SETX: variants seen among roughly 807,000 people sequenced by gnomAD.
SETX encodes senataxin, also known as helicase senataxin.
Under a neutral mutation model 227.2 loss-of-function variants are expected in SETX, and 90 were observed. That is an observed-to-expected ratio of 0.40 (90% CI 0.33 to 0.47). SETX has a LOEUF of 0.47. Ranked by LOEUF, SETX falls within the 20% of genes least tolerant of loss-of-function variation. The pLI is 0.91. For synonymous variants in SETX, 1,210 were observed against 1,113.2 expected (o/e 1.09, Z -1.73); for missense variants, 3,052 against 3,181.5 (o/e 0.96, Z 0.98).
intron 11 of SETX, among the ~76,000 whole-genome samples, chr9:132,308,073 G>A (rs1485291916): frequency 6.6e-6 from 1 of 152,156 alleles, no homozygotes. Context: ...TAACCAAATA[G>A]TAGTAGAGAA....
At position 132,331,409 on chromosome 9, in the gene SETX, A is replaced by T; in HGVS notation, c.878T>A (p.Phe293Tyr). The part of the protein sequence containing the change: ...VDPFWPALHC[F>Y]MVILDRLGSK... ...TCCAAGGCGATCCAGAATCACCATAAAACAGTGTAACGCTGGCCAGAAAGG... is the reference window on the plus strand; with the variant it reads ...TCCAAGGCGATCCAGAATCACCATATAACAGTGTAACGCTGGCCAGAAAGG... The change falls in exon 8 of 26, where the codon TTT (phenylalanine) becomes TAT (tyrosine). Residue 293 changes from phenylalanine (F) to tyrosine (Y), a missense_variant. Transcript: ENST00000224140. 1.2e-6 allele frequency: 2 copies of T among 1,613,986 alleles called. No homozygotes were observed. Among genetic ancestry groups the T allele is most frequent in the South Asian group, 1.1e-5 (1 of 91,074 alleles).
At chr9:132,314,535 T>C (rs2131368111) in intron 10 of SETX, among the ~76,000 whole-genome samples, 1 of 152,270 alleles carries the variant, frequency 6.6e-6, no homozygotes, top group East Asian at 1.9e-4. Flanking sequence ...GCTTTCCAAG[T>C]ATTAAAGGTC....
intron 24 of SETX, 85 bp from the exon 25 acceptor site, chr9:132,269,787 A>T: frequency 7.5e-7 from 1 of 1,333,994 alleles, no homozygotes; most frequent in East Asian, 2.3e-5. Flanking sequence ...AGAATGACTC[A>T]ACGTGCCCGT....
At chr9:132,280,007 C>G (rs747159761) in intron 20 of SETX, among the ~76,000 whole-genome samples, 9 of 152,190 alleles carry the variant, frequency 5.9e-5, no homozygotes, top group Non-Finnish European at 1.0e-4. Context: ...CCCTAGAATA[C>G]AAACACCATA....
intron 10 of SETX, among the ~76,000 whole-genome samples, chr9:132,318,813 A>G (rs1846156112): frequency 6.6e-6 from 1 of 152,272 alleles, no homozygotes; most frequent in Non-Finnish European, 1.5e-5. Flanking sequence ...GTAGTACTCT[A>G]GCCCAGGGTA....
chr9:132,325,622 C>T (rs1846690199), intron 10 of SETX, among the ~76,000 whole-genome samples: 1 of 152,086 alleles, frequency 6.6e-6, no homozygotes, highest in Non-Finnish European at 1.5e-5. Flanking sequence ...TTGTGTCTAT[C>T]AGCTCCAAGG....
intron 15 of SETX, 35 bp downstream of exon 15, chr9:132,295,837 C>G (rs1844635826): frequency 6.3e-7 from 1 of 1,597,990 alleles, no homozygotes; most frequent in Non-Finnish European, 8.5e-7. Context: ...ACACTGAAAA[C>G]AAAAACAAAT....
upstream of SETX, among the ~76,000 whole-genome samples, chr9:132,355,677 C>CA (rs1044092334): frequency 6.6e-5 from 10 of 150,826 alleles, no homozygotes; most frequent in Admixed American, 2.0e-4. Context: ...CCCGTATGTA[C>CA]AAAAAAAAAT....
chr9:132,345,809 G>A (rs932362241), intron 4 of SETX, among the ~76,000 whole-genome samples: 5 of 152,216 alleles, frequency 3.3e-5, no homozygotes, highest in South Asian at 4.1e-4. Flanking sequence ...TTGAGCCCAG[G>A]AGTTCAACAC....
chr9:132,300,503 T>C (rs1417553011), intron 12 of SETX, 127 bp downstream of exon 12: 10 of 1,006,714 alleles, frequency 9.9e-6, no homozygotes, highest in African/African-American at 1.6e-5. Context: ...AATGGCCATG[T>C]AATCAACATA....
rs966244406 is a variant in SETX, at chr9:132,271,646, T to C, written c.7199+64A>G. On this transcript the variant is annotated intron_variant, in intron 24 of 25. Coordinates refer to ENST00000224140, the MANE Select transcript of SETX (RefSeq NM_015046.7). ...TCTCTAACAGTGATAATGAACCTAATCCTGAACTATAAACAAGCAACAATG... is the reference window on the plus strand; with the variant it reads ...TCTCTAACAGTGATAATGAACCTAACCCTGAACTATAAACAAGCAACAATG... 2.3e-6 allele frequency: 3 copies of C among 1,333,142 alleles called. No homozygotes were observed. In the African/African-American group the frequency reaches 4.3e-5, roughly 19 times the overall value. 82.6% of individuals were successfully genotyped at this position (1,333,142 alleles called of 1,614,324 possible).
In SETX at chr9:132,296,053, C is replaced by G. The variant is rs530259613; in HGVS notation, c.5950-25G>C. The G allele has an allele frequency of 1.9e-6, 3 of 1,613,964 alleles. No individual in the cohort carries two copies. The African/African-American group carries it at 4.0e-5, about 22-fold the overall frequency. ...TCTACAATTTGCCACATATACATACCAAACAAACACACAAAAAATATGGGT... is the reference window on the plus strand; with the variant it reads ...TCTACAATTTGCCACATATACATACGAAACAAACACACAAAAAATATGGGT... On this transcript the variant is annotated intron_variant, in intron 14 of 25. Transcript: ENST00000224140.
Position 132,336,501 on chromosome 9 carries a change from A to T in SETX, c.513T>A (p.Ala171=). 1 of 1,613,348 alleles carries T rather than the reference A, an allele frequency of 6.2e-7. No individual in the cohort carries two copies. Among genetic ancestry groups the T allele is most frequent in the Non-Finnish European group, 8.5e-7 (1 of 1,179,254 alleles). Residue 171 remains alanine (A), a synonymous_variant, in exon 6 of 26, where the codon GCT becomes GCA. Coordinates refer to ENST00000224140, the MANE Select transcript of SETX (RefSeq NM_015046.7). ...VHPNEMVRRW[A]ILTARNLGKV... ...TCCCCAAGTTTCTTGCAGTCAAGAT[A>T]GCCCAACGCCGAACCTAAATGCAGA... is the stretch of plus-strand genomic sequence containing the variant.
In SETX at chr9:132,264,731, G is replaced by A; in HGVS notation, c.7542C>T (p.Asp2514=). The part of the protein sequence containing the change: ...VAASLYHTPS[D]SKEITLTVTS... The stretch of plus-strand genomic sequence containing the variant: ...TAACAGTAAGAGTAATTTCCTTGGA[G>A]TCAGAGGGTGTGTGGTATAGAGAAG... Residue 2514 remains aspartate (D), a synonymous_variant, in exon 26 of 26, where the codon GAC becomes GAT. Transcript: ENST00000224140. 6.2e-7 allele frequency: 1 copy of A among 1,614,208 alleles called. No individual in the cohort carries two copies. Among genetic ancestry groups the A allele is most frequent in the East Asian group, 2.2e-5 (1 of 44,890 alleles).
At position 132,303,811 on chromosome 9, in the gene SETX, C is replaced by A. The variant is rs536033208; in HGVS notation, c.5375-3008G>T. ...ACCACAATGACATACTACTACACAC[C>A]CGTCTGAATCACCAAAATTAAAAAC... is the stretch of plus-strand genomic sequence containing the variant. On this transcript the variant is annotated intron_variant, in intron 11 of 25. Transcript: ENST00000224140. Among the ~76,000 whole-genome samples the A allele has an allele frequency of 2.0e-5, 3 of 152,142 alleles. No individual in the cohort carries two copies. The East Asian group carries it at 5.8e-4, about 29-fold the overall frequency.
At position 132,327,824 on chromosome 9, in the gene SETX, A is replaced by G; in HGVS notation, c.3774T>C (p.Asn1258=). The G allele has an allele frequency of 3.7e-6, 6 of 1,614,162 alleles. No individual in the cohort carries two copies. The highest frequency in any genetic ancestry group is 5.1e-6 in the Non-Finnish European group (6 of 1,180,032). The change falls in exon 10 of 26, where the codon AAT becomes AAC. Residue 1258 remains asparagine (N), a synonymous_variant. Coordinates refer to ENST00000224140, the MANE Select transcript of SETX (RefSeq NM_015046.7). ...DAKKGQNRSS[N]YLSCRTTPAI... ...CAGGAGTTGTTCTACAACTTAGGTA[A>G]TTTGAACTTCTATTCTGTCCTTTTT... is the stretch of plus-strand genomic sequence containing the variant.
intron 3 of SETX, among the ~76,000 whole-genome samples, chr9:132,348,689 G>A (rs1848445914): frequency 6.6e-6 from 1 of 151,974 alleles, no homozygotes; most frequent in Non-Finnish European, 1.5e-5. Context: ...ACACTGGGGG[G>A]CCAAACCGGA....
Position 132,327,240 on chromosome 9 carries a change from G to C in SETX, c.4358C>G (p.Thr1453Arg). ...DSVVLNGTVP[T>R]NEVIVSTSED... Reference sequence around the variant, plus strand: ...TGAAGTGGAGACAATTACTTCATTTGTTGGTACTGTTCCATTTAACACTAC... The same window carrying C: ...TGAAGTGGAGACAATTACTTCATTTCTTGGTACTGTTCCATTTAACACTAC... Residue 1453 changes from threonine to arginine, a missense_variant, in exon 10 of 26, where the codon ACA becomes AGA. This residue lies in a region of SETX where 1,483 missense variants were observed against 1,312.0 expected (regional missense o/e 1.13). Coordinates refer to ENST00000224140, the MANE Select transcript of SETX (RefSeq NM_015046.7). 1 of 1,614,146 alleles carries C rather than the reference G, an allele frequency of 6.2e-7. No homozygotes were observed. The highest frequency in any genetic ancestry group is 8.5e-7 in the Non-Finnish European group (1 of 1,180,022).
At chr9:132,352,743 T>A (rs1848666881) in intron 2 of SETX, among the ~76,000 whole-genome samples, 1 of 152,144 alleles carries the variant, frequency 6.6e-6, no homozygotes. Flanking sequence ...ATACAGTGTA[T>A]CTCTACTCAC....
Sources: allele counts gnomAD v4.1 joint callset (sites outside exome capture counted in the v4.1 genomes callset), GRCh38; gene constraint gnomAD v4.1.1; regional missense constraint gnomAD v4.1.1; transcripts MANE v1.5; gene names NCBI Gene and HGNC (gene_info 2026-07-23, HGNC 2026-07-21).